The following GPC6 variants were observed in gnomAD, a reference collection of about 807,000 sequenced individuals.
The protein encoded by GPC6 is glypican-6.
Under a neutral mutation model 55.2 loss-of-function variants are expected in GPC6, and 14 were observed. The ratio of observed to expected loss-of-function variants is 0.25; its 90% confidence interval spans 0.17 to 0.40. GPC6 has a LOEUF of 0.40. GPC6 is among the 10% of genes least tolerant of loss of function. The pLI, the probability that GPC6 is intolerant of heterozygous loss-of-function variation, is 1.00. For missense variants in GPC6, 641 were observed against 708.5 expected (o/e 0.90, Z 1.08); for synonymous variants, 278 against 259.6 (o/e 1.07, Z -0.68).
intron 3 of GPC6, among the ~76,000 whole-genome samples, chr13:93,925,876 T>C (rs908978565): frequency 6.6e-6 from 1 of 152,218 alleles, no homozygotes; most frequent in Non-Finnish European, 1.5e-5. Context: ...CTTTGGGGAC[T>C]GAAATGGGCG....
intron 1 of GPC6, among the ~76,000 whole-genome samples, chr13:93,367,970 T>C (rs1446137011): frequency 6.6e-6 from 1 of 152,122 alleles, no homozygotes; most frequent in Admixed American, 6.6e-5. Flanking sequence ...ATTGATTTAT[T>C]CTATATCCTT....
At position 94,324,319 on chromosome 13, in the gene GPC6, A is replaced by C. The variant is rs548907521; in HGVS notation, c.1152+18196A>C. On this transcript the variant is annotated intron_variant, in intron 6 of 8. Coordinates refer to ENST00000377047, the MANE Select transcript of GPC6 (RefSeq NM_005708.5). ...ACCATCTATGAAAGCCTTAAAAAAA[A>C]AAAAAAAAAAACTCAAGCCAGACAA... is the stretch of plus-strand genomic sequence containing the variant. 2.0e-5 allele frequency among the ~76,000 whole-genome samples: 3 copies of C among 152,048 alleles called. No individual in the cohort carries two copies. In the East Asian group the frequency reaches 5.8e-4, roughly 29 times the overall value.
intron 2 of GPC6, among the ~76,000 whole-genome samples, chr13:93,742,124 C>A (rs956964553): frequency 3.3e-5 from 5 of 152,112 alleles, no homozygotes; most frequent in South Asian, 2.1e-4. Context: ...TGATATTTGA[C>A]ATAAATAAAT....
At position 93,379,062 on chromosome 13, in the gene GPC6, T is replaced by C. The variant is rs185681327; in HGVS notation, c.160+151446T>C. 1.1e-4 allele frequency among the ~76,000 whole-genome samples: 16 copies of C among 152,058 alleles called. 1 individual carries two copies. Among genetic ancestry groups the C allele is most frequent in the African/African-American group, 3.4e-4 (14 of 41,494 alleles). On this transcript the variant is annotated intron_variant, in intron 1 of 8. Transcript: ENST00000377047. Reference sequence around the variant, plus strand: ...TATAATATACTTATACAATAAATTATACAGCTCAAGAATGACTTTCTAACA... The same window carrying C: ...TATAATATACTTATACAATAAATTACACAGCTCAAGAATGACTTTCTAACA...
intron 1 of GPC6, among the ~76,000 whole-genome samples, chr13:93,253,878 T>C (rs1286534417): frequency 1.3e-5 from 2 of 152,176 alleles, no homozygotes; most frequent in Non-Finnish European, 2.9e-5. Flanking sequence ...ATACTTCCCA[T>C]AGTTTGAATA....
chr13:94,020,110 G>A (rs1191405418), intron 3 of GPC6, among the ~76,000 whole-genome samples: 1 of 151,972 alleles, frequency 6.6e-6, no homozygotes, highest in African/African-American at 2.4e-5. Flanking sequence ...TATAAAGTGA[G>A]GTTATTGATT....
chr13:93,407,994 C>G (rs1358514988), intron 1 of GPC6, among the ~76,000 whole-genome samples: 5 of 152,110 alleles, frequency 3.3e-5, no homozygotes. Context: ...ATTTTTCTTA[C>G]AGGATTATGT....
At position 94,185,082 on chromosome 13, in the gene GPC6, G is replaced by C. The variant is rs183188540; in HGVS notation, c.878-101267G>C. On this transcript the variant is annotated intron_variant, in intron 4 of 8. Transcript: ENST00000377047. The stretch of plus-strand genomic sequence containing the variant: ...GTATGTTCTCACTTATATGTGGGAG[G>C]TAAACATTGAGCACCCATGGACATA... Among the ~76,000 whole-genome samples, 40 of 152,096 alleles carry C rather than the reference G, an allele frequency of 2.6e-4. 1 individual carries two copies. The highest frequency in any genetic ancestry group is 9.6e-4 in the African/African-American group (40 of 41,494).
At chr13:94,320,850 C>T (rs1050698374) in intron 6 of GPC6, among the ~76,000 whole-genome samples, 6 of 152,202 alleles carry the variant, frequency 3.9e-5, no homozygotes, top group Non-Finnish European at 7.3e-5. Flanking sequence ...AGGAAATGTG[C>T]AGGAAAATAC....
chr13:93,871,528 G>A (rs980981975), intron 3 of GPC6, among the ~76,000 whole-genome samples: 83 of 152,002 alleles, frequency 5.5e-4, no homozygotes, highest in Non-Finnish European at 1.9e-4. Context: ...CAGACTAAAC[G>A]TCGCACTGGG....
At chr13:93,396,326 AG>A (rs537567812) in intron 1 of GPC6, among the ~76,000 whole-genome samples, 6 of 152,172 alleles carry the variant, frequency 3.9e-5, no homozygotes, top group Non-Finnish European at 5.9e-5. Context: ...GCAATTTTGG[AG>A]GCCGAGGTGG....
chr13:93,301,554 A>G (rs1237262004), intron 1 of GPC6, among the ~76,000 whole-genome samples: 1 of 152,134 alleles, frequency 6.6e-6, no homozygotes, highest in Non-Finnish European at 1.5e-5. Flanking sequence ...AGCCATGAGG[A>G]AGGACAAGGA....
chr13:93,478,563 A>G (rs1879385690), intron 1 of GPC6, among the ~76,000 whole-genome samples: 1 of 152,148 alleles, frequency 6.6e-6, no homozygotes. Flanking sequence ...TTTCAAATAC[A>G]TCCTCCTCCT....
intron 2 of GPC6, among the ~76,000 whole-genome samples, chr13:93,574,849 A>G (rs1876581337): frequency 6.6e-6 from 1 of 152,232 alleles, no homozygotes; most frequent in African/African-American, 2.4e-5. Flanking sequence ...TGGTTTATTG[A>G]AATTAGCATA....
intron 2 of GPC6, among the ~76,000 whole-genome samples, chr13:93,598,335 T>C (rs1197741980): frequency 6.6e-6 from 1 of 152,140 alleles, no homozygotes; most frequent in Non-Finnish European, 1.5e-5. Context: ...ATGTGTCCTG[T>C]TTTCAAACCA....
At chr13:93,989,865 A>T (rs1881214400) in intron 3 of GPC6, among the ~76,000 whole-genome samples, 1 of 151,052 alleles carries the variant, frequency 6.6e-6, no homozygotes. Context: ...TCAGTTTTCC[A>T]CAGAACTAAA....
intron 4 of GPC6, among the ~76,000 whole-genome samples, chr13:94,203,545 T>G (rs1229085183): frequency 1.3e-5 from 2 of 152,082 alleles, no homozygotes; most frequent in Admixed American, 1.3e-4. Flanking sequence ...ATTAAGGTAG[T>G]GCATTTATTA....
chr13:93,586,481 T>C (rs552855898), intron 2 of GPC6, among the ~76,000 whole-genome samples: 75 of 152,296 alleles, frequency 4.9e-4, no homozygotes, highest in African/African-American at 1.8e-3. Flanking sequence ...CTATTTGCTC[T>C]TTGACAAACC....
intron 4 of GPC6, among the ~76,000 whole-genome samples, chr13:94,096,262 A>T (rs1421725994): frequency 6.6e-6 from 1 of 152,040 alleles, no homozygotes; most frequent in Non-Finnish European, 1.5e-5. Context: ...GGAGCAGAGA[A>T]GGGACTACAT....
Sources: gnomAD v4.1 joint callset for allele counts (sites outside exome capture counted in the v4.1 genomes callset) on GRCh38, gnomAD v4.1.1 for gene constraint, MANE v1.5 for transcripts, NCBI Gene and HGNC (gene_info 2026-07-23, HGNC 2026-07-21) for gene names.